Variants in TMEM131 observed in about 807,000 individuals in gnomAD.
TMEM131 encodes transmembrane protein 131, also known as 2610524E03Rik.
TMEM131 carries 66 observed loss-of-function variants against 211.6 expected under a neutral mutation model. That is an observed-to-expected ratio of 0.31 (90% CI 0.26 to 0.38). The LOEUF (loss-of-function observed/expected upper bound fraction) is 0.38, where lower values mean the gene tolerates loss of function less well. Among genes scored for constraint, TMEM131 ranks in the 10% least tolerant of loss-of-function variants. The pLI is 1.00. For missense variants in TMEM131, 2,036 were observed against 2,299.3 expected, an observed-to-expected ratio of 0.89 and a Z score of 2.34; for synonymous variants, 844 against 841.3, an observed-to-expected ratio of 1.00 and a Z score of -0.06.
chr2:97,833,950 A>G (rs1682824719), intron 10 of TMEM131, among the ~76,000 whole-genome samples: 1 of 152,214 alleles, frequency 6.6e-6, no homozygotes, highest in African/African-American at 2.4e-5. Flanking sequence ...GGCATGAGCC[A>G]TCATGCCCAG....
At chr2:97,778,702 G>T (rs902278801) in intron 31 of TMEM131, among the ~76,000 whole-genome samples, 3 of 152,126 alleles carry the variant, frequency 2.0e-5, no homozygotes, top group Admixed American at 6.5e-5. Flanking sequence ...TCTCTAACCT[G>T]TTGAAGCCCA....
chr2:97,775,868 G>C lies in TMEM131; in HGVS notation c.4295C>G (p.Pro1432Arg). The C allele has an allele frequency of 6.2e-7, 1 of 1,613,910 alleles. No individual in the cohort carries two copies. Reference protein sequence around the residue: ...SSSTTTETSNPDTEPLLKEDT... With the variant: ...SSSTTTETSNRDTEPLLKEDT... ...CTCCTTGAGGAGCGGTTCTGTGTCA[G>C]GGTTGGAGGTCTCTGTGGTGGTGGA... The change falls in exon 32 of 41, where the codon CCT becomes CGT. Residue 1432 changes from proline to arginine, a missense_variant. Coordinates refer to ENST00000186436, the MANE Select transcript of TMEM131 (RefSeq NM_015348.2).
At chr2:97,938,560 CT>C (rs1324665466) in intron 1 of TMEM131, among the ~76,000 whole-genome samples, 1 of 152,212 alleles carries the variant, frequency 6.6e-6, no homozygotes, top group Admixed American at 6.5e-5. Flanking sequence ...GAGACTTAGA[CT>C]CCCACACAAT....
intron 25 of TMEM131, among the ~76,000 whole-genome samples, chr2:97,800,595 C>CA (rs3064071): frequency 0.017 from 2,096 of 123,226 alleles, 69 homozygotes; most frequent in East Asian, 0.023. Flanking sequence ...ACTAAAAATA[C>CA]AAAAAAAAAA....
chr2:97,987,140 T>C (rs1680060342), intron 1 of TMEM131, among the ~76,000 whole-genome samples: 1 of 152,230 alleles, frequency 6.6e-6, no homozygotes, highest in Admixed American at 6.5e-5. Flanking sequence ...AATGTAATAC[T>C]AGAACTATAC....
intron 5 of TMEM131, among the ~76,000 whole-genome samples, chr2:97,850,047 T>C (rs1383838692): frequency 6.6e-6 from 1 of 151,730 alleles, no homozygotes; most frequent in South Asian, 2.1e-4. Context: ...CCTCTGACAA[T>C]ATAAGGATTC....
At position 97,805,146 on chromosome 2, in the gene TMEM131, C is replaced by G; in HGVS notation, c.2344G>C (p.Asp782His). The G allele has an allele frequency of 6.2e-7, 1 of 1,613,894 alleles. No individual in the cohort carries two copies. The highest frequency in any genetic ancestry group is 8.5e-7 in the Non-Finnish European group (1 of 1,179,858). ...CCCTTGAACAGGCTTTGATGCAAAT[C>G]CCAGTCAGCATCCCACATATCTTCC... ...MQEDMWDADW[D>H]LHQSLFKGWT... Residue 782 changes from aspartate to histidine, a missense_variant, in exon 22 of 41, where the codon GAT becomes CAT. Coordinates refer to ENST00000186436, the MANE Select transcript of TMEM131 (RefSeq NM_015348.2).
intron 1 of TMEM131, among the ~76,000 whole-genome samples, chr2:97,964,022 C>T (rs896761460): frequency 2.0e-5 from 3 of 152,260 alleles, no homozygotes; most frequent in South Asian, 2.1e-4. Context: ...GTATAGTGTA[C>T]AGTAATATTC....
intron 2 of TMEM131, among the ~76,000 whole-genome samples, chr2:97,923,661 T>C (rs1347965457): frequency 6.8e-6 from 1 of 146,446 alleles, no homozygotes; most frequent in East Asian, 2.2e-4. Context: ...AAAGACAAAA[T>C]TCTGTTTGTG....
rs748708840 is a variant in TMEM131, at chr2:97,796,410, G to C, written c.3014-6C>G. 2 of 1,489,878 alleles carry C rather than the reference G, an allele frequency of 1.3e-6. No homozygotes were observed. The highest frequency in any genetic ancestry group is 2.6e-5 in the South Asian group (2 of 76,738). The allele number at this position is 1,489,878 out of a possible 1,614,324, so 92.3% of individuals were successfully genotyped here. A position where few individuals can be genotyped will look rare whatever the true frequency, so the allele number is the denominator to read the frequency against. ...TGGTTCTCTTAGTTTTAAACCTAAAGGATAAAAAATCAGGAATAAGACTAA... is the reference window on the plus strand; with the variant it reads ...TGGTTCTCTTAGTTTTAAACCTAAACGATAAAAAATCAGGAATAAGACTAA... On this transcript the variant is annotated splice_region_variant and splice_polypyrimidine_tract_variant and intron_variant, in intron 27 of 40. Transcript: ENST00000186436.
chr2:97,957,188 A>G (rs1678610652), intron 1 of TMEM131, among the ~76,000 whole-genome samples: 1 of 152,208 alleles, frequency 6.6e-6, no homozygotes, highest in Non-Finnish European at 1.5e-5. Context: ...CATTTATTCC[A>G]AAAGGAAAAA....
chr2:97,980,109 T>C (rs1243420333), intron 1 of TMEM131, among the ~76,000 whole-genome samples: 1 of 152,218 alleles, frequency 6.6e-6, no homozygotes, highest in African/African-American at 2.4e-5. Context: ...TGCAGTGTCA[T>C]ATGGGTGTGG....
At chr2:97,949,919 A>G (rs962054313) in intron 1 of TMEM131, among the ~76,000 whole-genome samples, 67 of 152,060 alleles carry the variant, frequency 4.4e-4, no homozygotes, top group African/African-American at 1.6e-3. Flanking sequence ...AGGATTCCAA[A>G]TCATCATCTC....
At chr2:97,811,876 G>C (rs909234389) in intron 17 of TMEM131, among the ~76,000 whole-genome samples, 3 of 152,108 alleles carry the variant, frequency 2.0e-5, no homozygotes, top group African/African-American at 7.2e-5. Flanking sequence ...TCCCCTTTCA[G>C]TACTGGTGAG....
At chr2:97,875,829 A>C (rs1674670093) in intron 4 of TMEM131, among the ~76,000 whole-genome samples, 1 of 152,148 alleles carries the variant, frequency 6.6e-6, no homozygotes, top group African/African-American at 2.4e-5. Context: ...ACAGCAAAAA[A>C]ATTCAAAATC....
intron 27 of TMEM131, 72 bp downstream of exon 27, chr2:97,796,772 T>G: frequency 6.8e-7 from 1 of 1,472,914 alleles, no homozygotes; most frequent in South Asian, 1.2e-5. Context: ...GAAATAATGT[T>G]GTTTTTGAAA....
At chr2:97,805,747 A>G in intron 19 of TMEM131, 44 bp from the exon 20 acceptor site, 1 of 1,516,596 alleles carries the variant, frequency 6.6e-7, no homozygotes, top group Non-Finnish European at 8.9e-7. Context: ...TATATGGTTA[A>G]ATTTTCTTAA....
At chr2:97,975,092 A>AC (rs1369315223) in intron 1 of TMEM131, among the ~76,000 whole-genome samples, 1 of 152,188 alleles carries the variant, frequency 6.6e-6, no homozygotes, top group Non-Finnish European at 1.5e-5. Flanking sequence ...CTAATGTCAT[A>AC]CCAAGTATGG....
intron 2 of TMEM131, among the ~76,000 whole-genome samples, chr2:97,926,526 A>G (rs983792001): frequency 3.9e-5 from 6 of 152,212 alleles, no homozygotes; most frequent in Non-Finnish European, 8.8e-5. Context: ...TAGCATCTCA[A>G]TATTAGACAT....
Sources: gnomAD v4.1 joint callset for allele counts (sites outside exome capture counted in the v4.1 genomes callset) on GRCh38, gnomAD v4.1.1 for gene constraint, MANE v1.5 for transcripts, NCBI Gene and HGNC (gene_info 2026-07-23, HGNC 2026-07-21) for gene names.